Variants in COA1 observed in about 807,000 individuals in gnomAD.
COA1 encodes cytochrome c oxidase assembly factor 1.
Under a neutral mutation model 16.0 loss-of-function variants are expected in COA1, and 13 were observed. That is an observed-to-expected ratio of 0.81 (90% CI 0.53 to 1.29). The LOEUF is 1.29. Ranked by LOEUF, COA1 falls within the 50% of genes most tolerant of loss-of-function variation. COA1 has a pLI of 0.00. For missense variants in COA1, 179 were observed against 177.0 expected, an observed-to-expected ratio of 1.01 and a Z score of -0.06; for synonymous variants, 65 against 65.7, an observed-to-expected ratio of 0.99 and a Z score of 0.05.
intron 1 of COA1, chr7:43,657,084 A>C (rs1180912374): frequency 6.6e-6 from 1 of 152,228 alleles, no homozygotes; most frequent in African/African-American, 2.4e-5. Context: ...TCAAGAACAG[A>C]GAATTTGAGT....
downstream of COA1, among the ~76,000 whole-genome samples, chr7:43,638,138 TA>T (rs1455504358): frequency 2.0e-5 from 3 of 151,958 alleles, no homozygotes; most frequent in Non-Finnish European, 4.4e-5. Context: ...AAAGAACACA[TA>T]AATATGTTTT....
downstream of COA1, among the ~76,000 whole-genome samples, chr7:43,637,200 T>C (rs1490418587): frequency 1.3e-5 from 2 of 152,210 alleles, no homozygotes; most frequent in Non-Finnish European, 2.9e-5. Flanking sequence ...TTCTACATCA[T>C]TTTTAGCACC....
At chr7:43,688,898 T>G (rs2094154163) in intron 1 of COA1, among the ~76,000 whole-genome samples, 1 of 152,208 alleles carries the variant, frequency 6.6e-6, no homozygotes, top group Non-Finnish European at 1.5e-5. Context: ...GGCTACATCT[T>G]GCTACAAAAA....
At position 43,697,055 on chromosome 7, in the gene COA1, C is replaced by CA. The variant is rs2094551616; in HGVS notation, c.-39+32373dup. ...AGGAGAATCGCTTGAACCCAGGAGA[C>CA]AGAGGCTGCAGTGAATCGAGATCAT... is the stretch of plus-strand genomic sequence containing the variant. On this transcript the variant is annotated intron_variant, in intron 1 of 5. Transcript: ENST00000223336. Among the ~76,000 whole-genome samples, 5 of 151,500 alleles carry CA rather than the reference C, an allele frequency of 3.3e-5. No individual in the cohort carries two copies. In the South Asian group the frequency reaches 1.0e-3, roughly 32 times the overall value.
intron 6 of COA1, among the ~76,000 whole-genome samples, chr7:43,618,487 C>G (rs1345976483): frequency 6.6e-6 from 1 of 152,094 alleles, no homozygotes; most frequent in Non-Finnish European, 1.5e-5. Context: ...AGCAGGGGCC[C>G]AATCTTAAAA....
chr7:43,723,551 C>T (rs893694691), intron 1 of COA1, among the ~76,000 whole-genome samples: 2 of 152,074 alleles, frequency 1.3e-5, no homozygotes, highest in Non-Finnish European at 2.9e-5. Context: ...TGGAACTATA[C>T]AAGTTTGCAA....
intron 6 of COA1, chr7:43,624,465 A>G (rs1457420508): frequency 2.6e-6 from 4 of 1,517,172 alleles, no homozygotes; most frequent in Non-Finnish European, 3.5e-6. Context: ...CTTATGCTCT[A>G]ATTTTAATTG....
At chr7:43,666,896 T>C (rs1259007426) in intron 1 of COA1, among the ~76,000 whole-genome samples, 1 of 152,356 alleles carries the variant, frequency 6.6e-6, no homozygotes, top group East Asian at 1.9e-4. Context: ...AAGGGTATTA[T>C]ATGGTCTTTT....
intron 1 of COA1, among the ~76,000 whole-genome samples, chr7:43,715,781 T>C (rs73110516): frequency 0.15 from 22,374 of 152,186 alleles, 2,192 homozygotes; most frequent in Non-Finnish European, 0.22. Flanking sequence ...CTACCTGATA[T>C]GACTTGGCTC....
intron 6 of COA1, among the ~76,000 whole-genome samples, chr7:43,630,150 T>G (rs2085024679): frequency 6.6e-6 from 1 of 152,148 alleles, no homozygotes. Context: ...GTATTTAGTA[T>G]CTGGCCCTTT....
chr7:43,720,733 T>C (rs1050474532), intron 1 of COA1, among the ~76,000 whole-genome samples: 8 of 152,218 alleles, frequency 5.3e-5, no homozygotes, highest in Non-Finnish European at 1.0e-4. Context: ...AGCCTCTGGA[T>C]GAATGGCAGC....
intron 1 of COA1, among the ~76,000 whole-genome samples, chr7:43,686,141 T>C (rs895072989): frequency 2.0e-5 from 3 of 152,230 alleles, no homozygotes; most frequent in Admixed American, 6.5e-5. Flanking sequence ...TAACTTTATT[T>C]GAAGACTTCC....
At chr7:43,645,569 C>G (rs927168333) in intron 3 of COA1, 170 bp from the exon 4 acceptor site, 1 of 615,302 alleles carries the variant, frequency 1.6e-6, no homozygotes, top group Non-Finnish European at 2.8e-6. Flanking sequence ...TTTACAGACT[C>G]AAAAACCAAA....
At chr7:43,719,867 G>C (rs987499837) in intron 1 of COA1, among the ~76,000 whole-genome samples, 1 of 152,178 alleles carries the variant, frequency 6.6e-6, no homozygotes, top group African/African-American at 2.4e-5. Context: ...CAGTGAACAA[G>C]GGGAAACTGG....
intron 1 of COA1, among the ~76,000 whole-genome samples, chr7:43,667,367 C>A (rs1257412132): frequency 6.6e-6 from 1 of 152,036 alleles, no homozygotes; most frequent in Non-Finnish European, 1.5e-5. Context: ...ATGAGATTGC[C>A]AAAATATTTC....
chr7:43,669,122 T>TTCGA (rs1310193140), intron 1 of COA1, among the ~76,000 whole-genome samples: 2 of 152,152 alleles, frequency 1.3e-5, no homozygotes, highest in African/African-American at 2.4e-5. Flanking sequence ...CTGTTCCCCA[T>TTCGA]TCGATGCCCC....
chr7:43,698,685 A>C (rs1221917625), intron 1 of COA1, among the ~76,000 whole-genome samples: 1 of 152,218 alleles, frequency 6.6e-6, no homozygotes, highest in Non-Finnish European at 1.5e-5. Context: ...ATAAATTGTT[A>C]GTGGCTGTGA....
chr7:43,669,713 TCTTC>T (rs2093137173), intron 1 of COA1, among the ~76,000 whole-genome samples: 1 of 151,978 alleles, frequency 6.6e-6, no homozygotes. Flanking sequence ...GCTGTTTTCT[TCTTC>T]CTTCCTTCTT....
chr7:43,640,678 G>C (rs2086825802), intron 4 of COA1, 29 bp from the exon 5 acceptor site: 2 of 1,428,862 alleles, frequency 1.4e-6, no homozygotes, highest in Non-Finnish European at 1.9e-6. Flanking sequence ...AGAAAGGAGA[G>C]ATGTAATTGG....
Sources: allele counts gnomAD v4.1 joint callset (sites outside exome capture counted in the v4.1 genomes callset), GRCh38; gene constraint gnomAD v4.1.1; transcripts MANE v1.5; gene names NCBI Gene and HGNC (gene_info 2026-07-23, HGNC 2026-07-21).